Variants in IGF2BP1 observed in about 807,000 individuals in gnomAD.
IGF2BP1 encodes the protein insulin like growth factor 2 mRNA binding protein 1.
A neutral mutation model predicts 74.9 loss-of-function variants in IGF2BP1; 11 were observed. The observed-to-expected ratio is 0.15, with a 90% CI of 0.09 to 0.24. IGF2BP1 has a LOEUF of 0.24. IGF2BP1 is among the 10% of genes least tolerant of loss of function. The pLI is 1.00. For missense variants in IGF2BP1, 440 were observed against 757.4 expected (o/e 0.58, Z 4.92); for synonymous variants, 287 against 281.8 (o/e 1.02, Z -0.18).
intron 13 of IGF2BP1, 97 bp downstream of exon 13, chr17:49,046,118 A>G (rs917691692): frequency 2.0e-6 from 3 of 1,501,986 alleles, no homozygotes; most frequent in African/African-American, 1.4e-5. Flanking sequence ...AGGACTCCTG[A>G]TTTGCTCATT....
At chr17:49,000,497 G>A (rs2041476285) in intron 2 of IGF2BP1, among the ~76,000 whole-genome samples, 1 of 152,188 alleles carries the variant, frequency 6.6e-6, no homozygotes, top group African/African-American at 2.4e-5. Flanking sequence ...AGAGTTAGGA[G>A]TAAAGAGGCA....
At chr17:49,008,670 C>G (rs963300396) in intron 2 of IGF2BP1, among the ~76,000 whole-genome samples, 6 of 152,198 alleles carry the variant, frequency 3.9e-5, no homozygotes, top group African/African-American at 1.2e-4. Flanking sequence ...CTCCTTTGCT[C>G]TCTTCTCTTA....
intron 7 of IGF2BP1, among the ~76,000 whole-genome samples, chr17:49,040,464 A>C (rs2144123859): frequency 6.6e-6 from 1 of 152,294 alleles, no homozygotes; most frequent in Non-Finnish European, 1.5e-5. Context: ...TGACCCACCC[A>C]GCTCAGCCTC....
intron 2 of IGF2BP1, chr17:49,014,654 G>A (rs923300843): frequency 9.7e-5 from 44 of 451,938 alleles, no homozygotes; most frequent in African/African-American, 8.8e-4. Flanking sequence ...GTTTCCCACC[G>A]CAGGTCATGG....
intron 2 of IGF2BP1, chr17:49,018,162 G>A (rs954120524): frequency 6.6e-6 from 1 of 152,250 alleles, no homozygotes; most frequent in East Asian, 1.9e-4. Context: ...AGTGGCTCTT[G>A]TAGTGGACGG....
At chr17:49,027,635 G>A (rs545928315) in intron 4 of IGF2BP1, among the ~76,000 whole-genome samples, 27 of 150,468 alleles carry the variant, frequency 1.8e-4, no homozygotes, top group Non-Finnish European at 3.5e-4. Flanking sequence ...GGCGGATCAC[G>A]AGGTCAGGAG....
intron 2 of IGF2BP1, among the ~76,000 whole-genome samples, chr17:49,020,970 T>TA (rs33965742): frequency 6.0e-4 from 80 of 132,532 alleles, no homozygotes; most frequent in Middle Eastern, 3.9e-3. Context: ...CTCTACAAAT[T>TA]AAAAAAAAAA....
At chr17:49,025,853 C>CTTTTTTTTTTTTTTTTTTT (rs749731111) in intron 3 of IGF2BP1, among the ~76,000 whole-genome samples, 187 bp downstream of exon 3, 1 of 140,364 alleles carries the variant, frequency 7.1e-6, no homozygotes, top group Admixed American at 7.0e-5. Flanking sequence ...TCTTTCTTTT[C>CTTTTTTTTTTTTTTTTTTT]TTTCTTTTTT....
At position 49,053,800 on chromosome 17, in the gene IGF2BP1, T is replaced by G. The variant is rs908982657; in HGVS notation, c.*4356T>G. 2 of 152,650 alleles carry G rather than the reference T, an allele frequency of 1.3e-5. No individual in the cohort carries two copies. The highest frequency in any genetic ancestry group is 2.4e-5 in the African/African-American group (1 of 41,456). 9.5% of individuals were successfully genotyped at this position (152,650 alleles called of 1,614,324 possible). A position where few individuals can be genotyped will look rare whatever the true frequency, so the allele number is the denominator to read the frequency against. ...CTCTAGGCAACCCCTTCCTCCCACC[T>G]CTCATCAGGGGTGGGGGTTCTCCTT... is the stretch of plus-strand genomic sequence containing the variant. On this transcript the variant is annotated 3_prime_UTR_variant, in exon 15 of 15. Transcript: ENST00000290341.
intron 4 of IGF2BP1, among the ~76,000 whole-genome samples, chr17:49,028,318 C>G (rs922062487): frequency 6.6e-6 from 1 of 152,198 alleles, no homozygotes; most frequent in Non-Finnish European, 1.5e-5. Context: ...AAATATTCCT[C>G]TCCAAATTAT....
intron 4 of IGF2BP1, among the ~76,000 whole-genome samples, chr17:49,030,172 C>T (rs929481831): frequency 9.1e-5 from 13 of 143,074 alleles, no homozygotes; most frequent in South Asian, 4.4e-4. Context: ...GATAGAGTCT[C>T]GCTTTGTCAC....
At position 49,051,893 on chromosome 17, in the gene IGF2BP1, TCCA is replaced by T. The variant is rs1275540638; in HGVS notation, c.*2450_*2452del. 1.3e-5 allele frequency: 2 copies of T among 151,962 alleles called. No homozygotes were observed. The highest frequency in any genetic ancestry group is 2.9e-5 in the Non-Finnish European group (2 of 67,998). 9.4% of individuals were successfully genotyped at this position (151,962 alleles called of 1,614,324 possible). ...GTCTTGCTATTCTTCCTAATCTATATCCATAGATCTAAGGGGCAAACAGATACT... is the reference window on the plus strand; with the variant it reads ...GTCTTGCTATTCTTCCTAATCTATATTAGATCTAAGGGGCAAACAGATACT... On this transcript the variant is annotated 3_prime_UTR_variant, in exon 15 of 15. Coordinates refer to ENST00000290341, the MANE Select transcript of IGF2BP1 (RefSeq NM_006546.4).
intron 2 of IGF2BP1, chr17:49,012,574 GT>G (rs2143969740): frequency 6.6e-6 from 1 of 152,244 alleles, no homozygotes; most frequent in East Asian, 1.9e-4. Flanking sequence ...CCCCCTCTTT[GT>G]TTGGGTTCAA....
intron 2 of IGF2BP1, among the ~76,000 whole-genome samples, chr17:49,019,995 T>TACAC (rs1172777163): frequency 6.3e-5 from 3 of 47,938 alleles, no homozygotes; most frequent in South Asian, 1.1e-3. Context: ...CACATATATA[T>TACAC]ACACACACAC....
intron 1 of IGF2BP1, among the ~76,000 whole-genome samples, chr17:48,998,507 C>CGCGGCG (rs537378221): frequency 3.3e-5 from 5 of 152,112 alleles, no homozygotes; most frequent in Non-Finnish European, 5.9e-5. Flanking sequence ...AGCGGGGTGG[C>CGCGGCG]GCGGCGGCGG....
chr17:49,010,838 C>G (rs539668133), intron 2 of IGF2BP1, among the ~76,000 whole-genome samples: 1 of 151,946 alleles, frequency 6.6e-6, no homozygotes, highest in East Asian at 1.9e-4. Flanking sequence ...GGGAGGCACA[C>G]AAACTCAGGA....
intron 2 of IGF2BP1, among the ~76,000 whole-genome samples, chr17:49,011,833 A>G (rs2041622900): frequency 6.8e-6 from 1 of 146,610 alleles, no homozygotes; most frequent in South Asian, 2.2e-4. Context: ...GGCATTTCAT[A>G]CCTACCTTGC....
chr17:49,025,982 A>G (rs1201260780), intron 3 of IGF2BP1, among the ~76,000 whole-genome samples: 2 of 151,282 alleles, frequency 1.3e-5, no homozygotes, highest in Non-Finnish European at 2.9e-5. Context: ...CAGCCTCCCA[A>G]GTAGCTGGGA....
Position 49,041,454 on chromosome 17 carries a change from C to T in IGF2BP1, c.895C>T (p.Leu299=). 1 of 1,614,100 alleles carries T rather than the reference C, an allele frequency of 6.2e-7. No individual in the cohort carries two copies. Among genetic ancestry groups the T allele is most frequent in the Non-Finnish European group, 8.5e-7 (1 of 1,180,040 alleles). Residue 299 remains leucine (L), a synonymous_variant, in exon 8 of 15, where the codon CTG becomes TTG. Coordinates refer to ENST00000290341, the MANE Select transcript of IGF2BP1 (RefSeq NM_006546.4). ...TCTCATTGGCAAGGAAGGACGGAAC[C>T]TGAAGAAGGTAGAGCAAGATACCGA... ...GRLIGKEGRN[L]KKVEQDTETK... is the part of the protein sequence containing the mutation.
Sources: allele counts gnomAD v4.1 joint callset (sites outside exome capture counted in the v4.1 genomes callset), GRCh38; gene constraint gnomAD v4.1.1; transcripts MANE v1.5; gene names NCBI Gene and HGNC (gene_info 2026-07-23, HGNC 2026-07-21).